Variants in CD2AP observed in about 807,000 individuals in gnomAD.
CD2AP encodes CD2 associated protein, also known as CD2-associated protein.
CD2AP carries 46 observed loss-of-function variants against 85.1 expected under a neutral mutation model. That is an observed-to-expected ratio of 0.54 (90% confidence interval 0.43 to 0.69). The LOEUF is 0.69. Among genes scored for constraint, CD2AP ranks in the 30% least tolerant of loss-of-function variants. The probability of loss-of-function intolerance (pLI) is 0.00; values close to 1 mark genes in which losing one functional copy is unlikely to be tolerated. For synonymous variants in CD2AP, 255 were observed against 252.9 expected, an observed-to-expected ratio of 1.01 and a Z score of -0.08; for missense variants, 769 against 729.5, an observed-to-expected ratio of 1.05 and a Z score of -0.62.
chr6:47,576,734 G>C (rs1562040185), intron 7 of CD2AP, 132 bp downstream of exon 7: 1 of 737,310 alleles, frequency 1.4e-6, no homozygotes, highest in East Asian at 2.5e-5. Flanking sequence ...AGCACCATGA[G>C]GTCAAGGATT....
rs920017601 is a variant in CD2AP, at chr6:47,598,300, T to G, written c.1275-1001T>G. Among the ~76,000 whole-genome samples, 4 of 151,154 alleles carry G rather than the reference T, an allele frequency of 2.6e-5. No individual in the cohort carries two copies. The South Asian group carries it at 8.4e-4, about 32-fold the overall frequency. On this transcript the variant is annotated intron_variant, in intron 12 of 17. Coordinates refer to ENST00000359314, the MANE Select transcript of CD2AP (RefSeq NM_012120.3). ...AAAGGGAACACTTGTACACTGCTGGTGGGAATGTAAACTAGTAGAACCACT... is the reference window on the plus strand; with the variant it reads ...AAAGGGAACACTTGTACACTGCTGGGGGGAATGTAAACTAGTAGAACCACT...
chr6:47,478,200 A>G lies in CD2AP; in HGVS notation c.-45A>G. 1 of 1,562,018 alleles carries G rather than the reference A, an allele frequency of 6.4e-7. No individual in the cohort carries two copies. Among genetic ancestry groups the G allele is most frequent in the Non-Finnish European group, 8.7e-7 (1 of 1,153,868 alleles). ...CCGCGCGAGCCACCACTGGAGGAGG[A>G]GGAGGAGGAGCGGACGTCGGCTTCT... On this transcript the variant is annotated 5_prime_UTR_variant, in exon 1 of 18. Transcript: ENST00000359314.
intron 2 of CD2AP, among the ~76,000 whole-genome samples, chr6:47,525,129 C>A (rs1766688642): frequency 6.6e-6 from 1 of 151,846 alleles, no homozygotes; most frequent in African/African-American, 2.4e-5. Context: ...AGGTTAAAAT[C>A]TAAATCAATC....
At chr6:47,586,156 A>T (rs1230020925) in intron 11 of CD2AP, among the ~76,000 whole-genome samples, 1 of 152,184 alleles carries the variant, frequency 6.6e-6, no homozygotes, top group African/African-American at 2.4e-5. Context: ...GCTATGATAA[A>T]CGTTTCCCAT....
intron 2 of CD2AP, among the ~76,000 whole-genome samples, chr6:47,519,767 T>G (rs1239578112): frequency 6.6e-6 from 1 of 152,150 alleles, no homozygotes; most frequent in Non-Finnish European, 1.5e-5. Flanking sequence ...GTCAACAAAT[T>G]TTTTTGAATA....
chr6:47,517,563 T>G (rs781680398), intron 2 of CD2AP, among the ~76,000 whole-genome samples: 3 of 152,166 alleles, frequency 2.0e-5, no homozygotes, highest in Non-Finnish European at 2.9e-5. Flanking sequence ...GTGCTGAGAT[T>G]GCAGGCCTAA....
chr6:47,490,404 T>C (rs1765705320), intron 1 of CD2AP, among the ~76,000 whole-genome samples: 1 of 152,186 alleles, frequency 6.6e-6, no homozygotes, highest in South Asian at 2.1e-4. Flanking sequence ...GCTATTCATA[T>C]GGTATTTTTT....
chr6:47,549,139 G>A (rs1767446383), intron 4 of CD2AP, among the ~76,000 whole-genome samples: 1 of 152,116 alleles, frequency 6.6e-6, no homozygotes, highest in South Asian at 2.1e-4. Context: ...CTGAGAACTG[G>A]AACAAGACAA....
intron 5 of CD2AP, among the ~76,000 whole-genome samples, chr6:47,568,750 A>ATAAATAAG (rs1023029391): frequency 6.6e-6 from 1 of 151,944 alleles, no homozygotes; most frequent in African/African-American, 2.4e-5. Context: ...TCTCAAATAA[A>ATAAATAAG]TAAATAAATA....
intron 2 of CD2AP, among the ~76,000 whole-genome samples, chr6:47,525,151 AT>A (rs1281116997): frequency 1.3e-5 from 2 of 152,184 alleles, no homozygotes; most frequent in East Asian, 3.9e-4. Context: ...TTTCTAGACT[AT>A]TTTTTAAAAT....
intron 3 of CD2AP, among the ~76,000 whole-genome samples, chr6:47,543,179 G>GA (rs1301537174): frequency 4.7e-5 from 6 of 127,356 alleles, no homozygotes; most frequent in African/African-American, 1.4e-4. Flanking sequence ...AAAAGAAAAA[G>GA]AAAAAAGAAA....
intron 2 of CD2AP, among the ~76,000 whole-genome samples, chr6:47,514,668 G>A (rs1235032593): frequency 1.3e-5 from 2 of 152,188 alleles, no homozygotes; most frequent in African/African-American, 2.4e-5. Flanking sequence ...AGGATAAATT[G>A]TAATGCCTTA....
At chr6:47,495,144 C>T (rs1190977263) in intron 1 of CD2AP, among the ~76,000 whole-genome samples, 1 of 152,100 alleles carries the variant, frequency 6.6e-6, no homozygotes, top group Non-Finnish European at 1.5e-5. Context: ...GCCTGGGTGA[C>T]AGAGTAAGGC....
At chr6:47,493,255 G>A (rs530776725) in intron 1 of CD2AP, among the ~76,000 whole-genome samples, 1 of 150,998 alleles carries the variant, frequency 6.6e-6, no homozygotes, top group African/African-American at 2.4e-5. Context: ...CTTTTGTGTT[G>A]GGTCTGTTGG....
At chr6:47,497,801 T>C (rs1765903075) in intron 1 of CD2AP, among the ~76,000 whole-genome samples, 1 of 152,242 alleles carries the variant, frequency 6.6e-6, no homozygotes, top group African/African-American at 2.4e-5. Flanking sequence ...CTGACTTTCT[T>C]GTCTCTGAGT....
intron 5 of CD2AP, chr6:47,562,608 C>T (rs1157549183): frequency 1.2e-5 from 5 of 423,300 alleles, no homozygotes; most frequent in Non-Finnish European, 1.7e-5. Flanking sequence ...TCACCTGAAC[C>T]CACTGCTGTG....
chr6:47,554,685 TTGGGAC>T lies in CD2AP; in HGVS notation c.463_468del (p.Gly155_Leu156del), dbSNP rs777528378. On this transcript the variant is annotated inframe_deletion, in exon 5 of 18. Transcript: ENST00000359314. ...GTGGAGTGGAACCCTGAATAACAAG[TTGGGAC>T]TGTTTCCCTCAAATTTTGTGAAAGA... 24 of 1,613,582 alleles carry T rather than the reference TTGGGAC, an allele frequency of 1.5e-5. No homozygotes were observed. The highest frequency in any genetic ancestry group is 1.9e-5 in the Non-Finnish European group (23 of 1,179,740).
chr6:47,615,662 G>C (rs968464848), intron 17 of CD2AP, among the ~76,000 whole-genome samples: 3 of 151,956 alleles, frequency 2.0e-5, no homozygotes, highest in Non-Finnish European at 2.9e-5. Flanking sequence ...CTCTCACCTG[G>C]CCCCACCTCC....
intron 13 of CD2AP, among the ~76,000 whole-genome samples, chr6:47,599,878 G>C (rs1040710001): frequency 6.6e-6 from 1 of 151,754 alleles, no homozygotes; most frequent in Non-Finnish European, 1.5e-5. Flanking sequence ...TTCCAGTGGA[G>C]GAAAATATGC....
Sources: allele counts gnomAD v4.1 joint callset (sites outside exome capture counted in the v4.1 genomes callset), GRCh38; gene constraint gnomAD v4.1.1; transcripts MANE v1.5; gene names NCBI Gene and HGNC (gene_info 2026-07-23, HGNC 2026-07-21).